The following ARL10 variants were observed in gnomAD, a reference collection of about 807,000 sequenced individuals.
The protein encoded by ARL10 is ARF like GTPase 10.
A neutral mutation model predicts 26.1 loss-of-function variants in ARL10; 23 were observed. The observed-to-expected ratio is 0.88, with a 90% CI of 0.63 to 1.25. The LOEUF (loss-of-function observed/expected upper bound fraction) is 1.25, where lower values mean the gene tolerates loss of function less well. Among genes scored for constraint, ARL10 ranks in the 50% most tolerant of loss-of-function variants. The probability of loss-of-function intolerance (pLI) is 0.00; values close to 1 mark genes in which losing one functional copy is unlikely to be tolerated. For missense variants in ARL10, 300 were observed against 323.6 expected (o/e 0.93, Z 0.56); for synonymous variants, 138 against 149.1 (o/e 0.93, Z 0.54).
chr5:176,383,482 G>C (rs1755602835), downstream of ARL10, among the ~76,000 whole-genome samples: 1 of 152,258 alleles, frequency 6.6e-6, no homozygotes, highest in Non-Finnish European at 1.5e-5. Context: ...GCACACAACA[G>C]AGTGGGATTC....
At chr5:176,402,039 G>A (rs912654533), downstream of ARL10, among the ~76,000 whole-genome samples, 1 of 152,090 alleles carries the variant, frequency 6.6e-6, no homozygotes, top group Non-Finnish European at 1.5e-5. Context: ...ACGGTGGCTC[G>A]CGCCTATAAT....
exon 2 of ARL10, chr5:176,388,577 CTCTG>C (rs1244571603): frequency 6.4e-7 from 1 of 1,560,192 alleles, no homozygotes; most frequent in African/African-American, 1.4e-5. Flanking sequence ...AACACGCTGC[CTCTG>C]TCTCTCAGAC....
Position 176,372,066 on chromosome 5 carries a change from C to T in ARL10, c.*171C>T. ...AGGCCAAGAACCATGCAGAAGCCTT[C>T]CTGGTGAGGTGGCCGTGAAGCCGAA... On this transcript the variant is annotated 3_prime_UTR_variant, in exon 4 of 4. Transcript: ENST00000310389. 1.4e-6 allele frequency: 2 copies of T among 1,430,486 alleles called. No individual in the cohort carries two copies. Among genetic ancestry groups the T allele is most frequent in the East Asian group, 2.5e-5 (1 of 39,584 alleles). The allele number at this position is 1,430,486 out of a possible 1,614,324, so 88.6% of individuals were successfully genotyped here.
At chr5:176,400,365 A>G (rs1756759612) in intron 1 of ARL10, among the ~76,000 whole-genome samples, 1 of 152,170 alleles carries the variant, frequency 6.6e-6, no homozygotes, top group African/African-American at 2.4e-5. Flanking sequence ...ATTATTATTC[A>G]TTCCCATTTT....
In ARL10 at chr5:176,381,238, G is replaced by C. The variant is rs1443563638; in HGVS notation, c.*9343G>C. 1.3e-5 allele frequency: 2 copies of C among 152,110 alleles called. No individual in the cohort carries two copies. Among genetic ancestry groups the C allele is most frequent in the Non-Finnish European group, 1.5e-5 (1 of 68,008 alleles). 9.4% of individuals were successfully genotyped at this position (152,110 alleles called of 1,614,324 possible). A position where few individuals can be genotyped will look rare whatever the true frequency, so the allele number is the denominator to read the frequency against. On this transcript the variant is annotated 3_prime_UTR_variant, in exon 4 of 4. Transcript: ENST00000310389. ...AGTAAAAATTGCTCAGATAAACTTGGAGAGCTCAAAACACAAATTTATGGA... is the reference window on the plus strand; with the variant it reads ...AGTAAAAATTGCTCAGATAAACTTGCAGAGCTCAAAACACAAATTTATGGA...
chr5:176,401,676 C>T (rs1178225487), intron 1 of ARL10: 8 of 453,800 alleles, frequency 1.8e-5, no homozygotes, highest in South Asian at 7.8e-5. Context: ...GTCACTCACT[C>T]GCTCGCCTTG....
chr5:176,406,284 G>A (rs911831497), downstream of ARL10: 1 of 1,055,790 alleles, frequency 9.5e-7, no homozygotes, highest in Non-Finnish European at 1.1e-6. Context: ...GAATGGCCAG[G>A]ACCAGAAGGC....
intron 1 of ARL10, among the ~76,000 whole-genome samples, chr5:176,394,686 G>C (rs560966505): frequency 6.6e-6 from 1 of 152,248 alleles, no homozygotes; most frequent in South Asian, 2.1e-4. Context: ...ATGGTGGCGG[G>C]CACCTGTAGT....
chr5:176,371,194 G>A (rs1163141149), intron 3 of ARL10, among the ~76,000 whole-genome samples: 1 of 152,140 alleles, frequency 6.6e-6, no homozygotes, highest in Non-Finnish European at 1.5e-5. Flanking sequence ...GGCCAGCACG[G>A]CGAAACCCCG....
rs1768593974 is a variant in ARL10, at chr5:176,373,059, T to C, written c.*1164T>C. The C allele has an allele frequency of 2.5e-6, 1 of 398,498 alleles. No homozygotes were observed. Among genetic ancestry groups the C allele is most frequent in the Non-Finnish European group, 4.4e-6 (1 of 226,060 alleles). 24.7% of individuals were successfully genotyped at this position (398,498 alleles called of 1,614,324 possible). ...AAACGCCACCACTTGGCCCAGGATG[T>C]TGAAAGGGTGCAAATTCCTTCTGGG... On this transcript the variant is annotated 3_prime_UTR_variant, in exon 4 of 4. Transcript: ENST00000310389.
At chr5:176,406,916 G>T in the ARL10 span, among the ~76,000 whole-genome samples, 3 of 152,186 alleles carry the variant, frequency 2.0e-5, no homozygotes, top group Non-Finnish European at 4.4e-5. Flanking sequence ...AAAGCACACC[G>T]GGTCGGAGCC....
rs987877373 is a variant in ARL10, at chr5:176,397,772, C to G, written c.134-3969C>G. On this transcript the variant is annotated intron_variant, in intron 1 of 1. Coordinates refer to the ARL10 transcript ENST00000514533. ...GCTTTCCAGCTGGGATGCACAGGCC[C>G]GGCCGCGCTCCTCCCCTGGCCCCTG... The G allele has an allele frequency of 3.2e-6, 5 of 1,559,460 alleles. No homozygotes were observed. The East Asian group carries it at 1.1e-4, about 35-fold the overall frequency.
downstream of ARL10, chr5:176,384,047 G>A: frequency 1.3e-6 from 2 of 1,548,746 alleles, no homozygotes; most frequent in Non-Finnish European, 1.7e-6. Flanking sequence ...AATATAAATT[G>A]GAGCCTCTGA....
rs767914463 is a variant in ARL10 at position 176,366,472 on chromosome 5, G to A, written c.276G>A (p.Thr92=). 8.7e-6 allele frequency: 14 copies of A among 1,613,858 alleles called. No individual in the cohort carries two copies. Among genetic ancestry groups the A allele is most frequent in the Non-Finnish European group, 1.0e-5 (12 of 1,180,030 alleles). ...VLGLDGAGKS[T]FLRVLSGKPP... is the part of the protein sequence containing the mutation. ...GGCTGGATGGCGCAGGCAAGAGCACGTTCCTGCGCGTGTTGTCGGGGAAGC... is the reference window on the plus strand; with the variant it reads ...GGCTGGATGGCGCAGGCAAGAGCACATTCCTGCGCGTGTTGTCGGGGAAGC... The change falls in exon 2 of 4, where the codon ACG becomes ACA. Residue 92 remains threonine, a synonymous_variant. Coordinates refer to ENST00000310389, the MANE Select transcript of ARL10 (RefSeq NM_173664.6).
downstream of ARL10, among the ~76,000 whole-genome samples, chr5:176,404,007 A>G (rs1203937995): frequency 6.6e-6 from 1 of 151,972 alleles, no homozygotes; most frequent in South Asian, 2.1e-4. Context: ...TGCCTGCCTC[A>G]GCCTCCCAAA....
At chr5:176,397,603 TC>T (rs767999789) in intron 1 of ARL10, 1 of 1,407,410 alleles carries the variant, frequency 7.1e-7, no homozygotes, top group Admixed American at 1.9e-5. Flanking sequence ...TACAGCCCTC[TC>T]ACCGGTTGTT....
intron 1 of ARL10, among the ~76,000 whole-genome samples, chr5:176,399,904 G>T (rs1348975332): frequency 2.8e-5 from 4 of 141,272 alleles, no homozygotes; most frequent in Non-Finnish European, 6.1e-5. Context: ...AAGAAAAATG[G>T]GAATAGACCG....
the ARL10 span, among the ~76,000 whole-genome samples, chr5:176,414,913 C>T: frequency 5.3e-5 from 8 of 152,276 alleles, no homozygotes; most frequent in African/African-American, 1.7e-4. Flanking sequence ...GCTCAGTAAA[C>T]GTTGAATGGA....
chr5:176,390,857 G>A (rs1756244594), downstream of ARL10, among the ~76,000 whole-genome samples: 2 of 152,190 alleles, frequency 1.3e-5, no homozygotes, highest in African/African-American at 4.8e-5. Context: ...TGTGTACATA[G>A]TGTTTGAGGG....
Sources: allele counts gnomAD v4.1 joint callset (sites outside exome capture counted in the v4.1 genomes callset), GRCh38; gene constraint gnomAD v4.1.1; transcripts MANE v1.5; gene names NCBI Gene and HGNC (gene_info 2026-07-23, HGNC 2026-07-21).